Variants in GLIS1 observed in about 807,000 individuals in gnomAD.
The protein encoded by GLIS1 is zinc finger protein GLIS1.
Under a neutral mutation model 63.8 loss-of-function variants are expected in GLIS1, and 24 were observed. The ratio of observed to expected loss-of-function variants is 0.38; its 90% CI spans 0.27 to 0.53. The LOEUF (loss-of-function observed/expected upper bound fraction) is 0.53. GLIS1 is among the 20% of genes least tolerant of loss of function. GLIS1 has a pLI of 0.85. For missense variants in GLIS1, 1,036 were observed against 1,074.1 expected (o/e 0.96, Z 0.50); for synonymous variants, 450 against 482.5 (o/e 0.93, Z 0.88).
intron 4 of GLIS1, among the ~76,000 whole-genome samples, chr1:53,559,332 A>T (rs912050820): frequency 2.6e-5 from 4 of 152,118 alleles, no homozygotes; most frequent in African/African-American, 9.7e-5. Context: ...CTCAGGCTAC[A>T]ATCCCACTGG....
At chr1:53,731,084 G>A (rs574126077) in intron 2 of GLIS1, among the ~76,000 whole-genome samples, 6 of 152,288 alleles carry the variant, frequency 3.9e-5, no homozygotes, top group East Asian at 1.9e-4. Context: ...GACTACGACC[G>A]GGGCCTTGGC....
intron 2 of GLIS1, among the ~76,000 whole-genome samples, chr1:53,655,775 T>C (rs369212018): frequency 6.6e-6 from 1 of 152,216 alleles, no homozygotes; most frequent in African/African-American, 2.4e-5. Context: ...AATAACCTTG[T>C]GCTGGTTTAC....
In GLIS1 at chr1:53,600,098, T is replaced by C. The variant is rs1479212221; in HGVS notation, c.437+3A>G. 26 of 1,223,668 alleles carry C rather than the reference T, an allele frequency of 2.1e-5. No homozygotes were observed. Among genetic ancestry groups the C allele is most frequent in the Non-Finnish European group, 2.6e-5 (25 of 980,294 alleles). The allele number at this position is 1,223,668 out of a possible 1,614,324, so 75.8% of individuals were successfully genotyped here. A position where few individuals can be genotyped will look rare whatever the true frequency, so the allele number is the denominator to read the frequency against. On this transcript the variant is annotated splice_donor_region_variant and intron_variant, in intron 3 of 10. Coordinates refer to ENST00000628545, the MANE Select transcript of GLIS1 (RefSeq NM_001367484.1). Reference sequence around the variant, plus strand: ...TCCACAGAAAGCAGCTGCCCACACCTACCTGTCAGGGTGGGGGAAATGCAG... The same window carrying C: ...TCCACAGAAAGCAGCTGCCCACACCCACCTGTCAGGGTGGGGGAAATGCAG...
intron 6 of GLIS1, among the ~76,000 whole-genome samples, chr1:53,523,578 C>A (rs541899912): frequency 1.1e-3 from 172 of 152,258 alleles, no homozygotes; most frequent in Non-Finnish European, 3.4e-4. Flanking sequence ...CCTGAGTTGG[C>A]CCCTGGTGTT....
chr1:53,673,989 T>A (rs939171704), intron 2 of GLIS1, among the ~76,000 whole-genome samples: 2 of 151,982 alleles, frequency 1.3e-5, no homozygotes, highest in Admixed American at 6.5e-5. Context: ...CTGACCAACA[T>A]GGTGAAACCC....
rs1013910112 is a variant in GLIS1, at chr1:53,511,894, C to T, written c.1884-1867G>A. Among the ~76,000 whole-genome samples, 6 of 152,182 alleles carry T rather than the reference C, an allele frequency of 3.9e-5. No individual in the cohort carries two copies. Among genetic ancestry groups the T allele is most frequent in the African/African-American group, 1.4e-4 (6 of 41,444 alleles). On this transcript the variant is annotated intron_variant, in intron 8 of 10. Coordinates refer to ENST00000628545, the MANE Select transcript of GLIS1 (RefSeq NM_001367484.1). The surrounding 1 kb of genome is among the most constrained non-coding windows in gnomAD (Gnocchi z 4.2). ...GCCCTCCCCTGGTTTCCTGAAGCCC[C>T]TGTAGGGAGGGCCAGGTCTTGGCCC...
chr1:53,531,228 G>A (rs1644526849), intron 4 of GLIS1, among the ~76,000 whole-genome samples: 1 of 152,152 alleles, frequency 6.6e-6, no homozygotes, highest in Admixed American at 6.5e-5. Flanking sequence ...CCATGTCCAG[G>A]GCTGAACAGC....
chr1:53,582,591 A>T (rs1273029614), intron 4 of GLIS1, among the ~76,000 whole-genome samples: 2 of 152,204 alleles, frequency 1.3e-5, no homozygotes, highest in Non-Finnish European at 2.9e-5. Flanking sequence ...ATTTCCTCCC[A>T]GTGCACATGA....
At chr1:53,601,556 G>A (rs1054498361) in intron 2 of GLIS1, among the ~76,000 whole-genome samples, 1 of 152,092 alleles carries the variant, frequency 6.6e-6, no homozygotes, top group Non-Finnish European at 1.5e-5. Context: ...ACCAGGGCTG[G>A]GGACACACAC....
intron 2 of GLIS1, chr1:53,733,988 G>T: frequency 2.0e-6 from 2 of 985,030 alleles, no homozygotes; most frequent in Non-Finnish European, 2.4e-6. Context: ...ATTCAACCAG[G>T]TGGTACCACC....
chr1:53,683,949 G>T (rs2100436191), intron 2 of GLIS1, among the ~76,000 whole-genome samples: 1 of 152,224 alleles, frequency 6.6e-6, no homozygotes, highest in South Asian at 2.1e-4. Context: ...ACAATTTTAT[G>T]GAGCTCAGTT....
rs577834876 is a variant in GLIS1, at chr1:53,704,743, C to G, written c.259+33063G>C. 9.8e-5 allele frequency among the ~76,000 whole-genome samples: 15 copies of G among 152,308 alleles called. No homozygotes were observed. In the East Asian group the frequency reaches 1.9e-3, roughly 20 times the overall value. On this transcript the variant is annotated intron_variant, in intron 2 of 10. Coordinates refer to ENST00000628545, the MANE Select transcript of GLIS1 (RefSeq NM_001367484.1). The stretch of plus-strand genomic sequence containing the variant: ...TCAGTTTAGCCCCTGGCTCTGTGGG[C>G]TCTAGCAGCCCCCAAACCTGGGGCA...
At chr1:53,569,763 A>T (rs1334476342) in intron 4 of GLIS1, among the ~76,000 whole-genome samples, 2 of 152,094 alleles carry the variant, frequency 1.3e-5, no homozygotes, top group African/African-American at 4.8e-5. Context: ...GTATAATATA[A>T]ATATTTAAAA....
chr1:53,579,019 T>A (rs1008861955), intron 4 of GLIS1, among the ~76,000 whole-genome samples: 3 of 149,408 alleles, frequency 2.0e-5, no homozygotes, highest in African/African-American at 5.0e-5. Context: ...CTACAGTCCA[T>A]GATACTTCTA....
chr1:53,634,614 G>C (rs1250092615), intron 2 of GLIS1, among the ~76,000 whole-genome samples: 1 of 152,194 alleles, frequency 6.6e-6, no homozygotes, highest in South Asian at 2.1e-4. Context: ...GGAGAGAAAC[G>C]AGACATTGGG....
chr1:53,544,005 G>A (rs1484784704), intron 4 of GLIS1, among the ~76,000 whole-genome samples: 2 of 152,216 alleles, frequency 1.3e-5, no homozygotes, highest in African/African-American at 4.8e-5. Context: ...ACCAAGGGGT[G>A]GCGGGAGGAG....
chr1:53,559,611 C>T (rs1167330993), intron 4 of GLIS1, among the ~76,000 whole-genome samples: 2 of 152,166 alleles, frequency 1.3e-5, no homozygotes, highest in Admixed American at 6.5e-5. Flanking sequence ...CCCTCAGGGT[C>T]GAGCCCAGCC....
intron 2 of GLIS1, among the ~76,000 whole-genome samples, chr1:53,626,417 C>A (rs967443894): frequency 2.0e-5 from 3 of 152,192 alleles, no homozygotes; most frequent in African/African-American, 7.2e-5. Context: ...AAACCCTCTT[C>A]TGTGGCTCCT....
intron 6 of GLIS1, among the ~76,000 whole-genome samples, chr1:53,522,589 G>T (rs914004398): frequency 3.3e-5 from 5 of 152,104 alleles, no homozygotes; most frequent in Admixed American, 2.0e-4. Context: ...CATGATGCTG[G>T]GCTGGTTTGT....
Sources: allele counts gnomAD v4.1 joint callset (sites outside exome capture counted in the v4.1 genomes callset), GRCh38; gene constraint gnomAD v4.1.1; non-coding constraint Gnocchi (gnomAD v3.1); transcripts MANE v1.5; gene names NCBI Gene and HGNC (gene_info 2026-07-23, HGNC 2026-07-21).